The following MPP7 variants were observed in gnomAD, a reference collection of about 807,000 sequenced individuals.
MPP7 encodes MAGUK p55 subfamily member 7.
In MPP7, 60 loss-of-function variants were observed where a neutral mutation model predicts 76.5. The observed-to-expected ratio is 0.78, with a 90% CI of 0.64 to 0.97. The LOEUF (loss-of-function observed/expected upper bound fraction) is 0.97, where lower values mean the gene tolerates loss of function less well. Ranked by LOEUF, MPP7 falls within the 50% of genes least tolerant of loss-of-function variation. The probability of loss-of-function intolerance (pLI) is 0.00; values close to 1 mark genes in which losing one functional copy is unlikely to be tolerated. For missense variants in MPP7, 641 were observed against 694.0 expected, an observed-to-expected ratio of 0.92 and a Z score of 0.86; for synonymous variants, 237 against 244.5, an observed-to-expected ratio of 0.97 and a Z score of 0.29.
intron 11 of MPP7, among the ~76,000 whole-genome samples, chr10:28,100,175 TATATG>T (rs1853760874): frequency 6.6e-6 from 1 of 150,902 alleles, no homozygotes; most frequent in Non-Finnish European, 1.5e-5. Flanking sequence ...TGGAAATTAT[TATATG>T]ATATTAGGTT....
intron 1 of MPP7, among the ~76,000 whole-genome samples, chr10:28,272,952 T>C (rs11006974): frequency 0.15 from 22,698 of 152,136 alleles, 1,794 homozygotes; most frequent in South Asian, 0.19. Flanking sequence ...GAGTCTCACT[T>C]TGTCAGCCAG....
rs201218978 is a variant in MPP7, at chr10:28,089,778, T to C, written c.1016A>G (p.Glu339Gly). ...GTCGTACTGATCACTCTTCTTGCATTCATACATGGATTTATTTGTTTTCTT... is the reference window on the plus strand; with the variant it reads ...GTCGTACTGATCACTCTTCTTGCATCCATACATGGATTTATTTGTTTTCTT... ...KDKKTNKSMY[E>G]CKKSDQYDTA... Residue 339 changes from glutamate to glycine, a missense_variant, in exon 12 of 17, where the codon GAA becomes GGA. Glu to Gly is a moderately conservative substitution (Grantham distance 98). Transcript: ENST00000683449. 4.4e-6 allele frequency: 7 copies of C among 1,605,054 alleles called. No individual in the cohort carries two copies. The highest frequency in any genetic ancestry group is 6.0e-6 in the Non-Finnish European group (7 of 1,172,216).
chr10:28,116,553 C>T (rs1390260794), intron 11 of MPP7, among the ~76,000 whole-genome samples: 1 of 152,036 alleles, frequency 6.6e-6, no homozygotes, highest in African/African-American at 2.4e-5. Context: ...TTTCTCTCTG[C>T]ATTACTAATA....
intron 5 of MPP7, among the ~76,000 whole-genome samples, chr10:28,138,816 T>C (rs919771497): frequency 6.6e-6 from 1 of 152,254 alleles, no homozygotes; most frequent in Non-Finnish European, 1.5e-5. Context: ...AATTATCTTA[T>C]ATGTAGAGAC....
At chr10:28,088,441 CCT>C (rs1022518178) in intron 12 of MPP7, among the ~76,000 whole-genome samples, 7 of 152,170 alleles carry the variant, frequency 4.6e-5, no homozygotes, top group African/African-American at 1.7e-4. Flanking sequence ...TGGCACGTCC[CCT>C]GTCGCTCTCA....
intron 3 of MPP7, among the ~76,000 whole-genome samples, chr10:28,150,627 T>C (rs1460208988): frequency 6.6e-6 from 1 of 152,096 alleles, no homozygotes; most frequent in Non-Finnish European, 1.5e-5. Context: ...TTTTTTGAAA[T>C]TGCCAACTTT....
intron 2 of MPP7, among the ~76,000 whole-genome samples, chr10:28,329,016 T>G (rs1031657924): frequency 2.0e-5 from 3 of 152,210 alleles, no homozygotes; most frequent in Admixed American, 2.0e-4. Context: ...TACTGATATT[T>G]TCTGTTCATT....
intron 2 of MPP7, among the ~76,000 whole-genome samples, chr10:28,309,778 ACAGT>A (rs1841278878): frequency 6.6e-6 from 1 of 151,956 alleles, no homozygotes; most frequent in Non-Finnish European, 1.5e-5. Context: ...CATCCTTCTG[ACAGT>A]CAGTGCGTTC....
At chr10:28,186,434 ATTTAC>A (rs1837240064) in intron 3 of MPP7, among the ~76,000 whole-genome samples, 2 of 152,346 alleles carry the variant, frequency 1.3e-5, no homozygotes, top group South Asian at 4.1e-4. Context: ...TTTAAAAATA[ATTTAC>A]TTTAAATAAA....
chr10:28,310,085 T>G (rs911119682), intron 2 of MPP7, among the ~76,000 whole-genome samples: 18 of 145,782 alleles, frequency 1.2e-4, no homozygotes, highest in African/African-American at 4.1e-4. Flanking sequence ...CACTGCAACC[T>G]CTGCCTCCTG....
chr10:28,203,785 G>A (rs548631109), intron 2 of MPP7, among the ~76,000 whole-genome samples: 11 of 152,226 alleles, frequency 7.2e-5, no homozygotes, highest in African/African-American at 2.2e-4. Context: ...TTGATTTGGG[G>A]AGTTGTAAAA....
At chr10:28,207,713 AAAAG>A (rs999268143) in intron 2 of MPP7, among the ~76,000 whole-genome samples, 5 of 152,030 alleles carry the variant, frequency 3.3e-5, no homozygotes, top group Middle Eastern at 3.2e-3. Flanking sequence ...AAAAAATGAA[AAAAG>A]AAAGAAAAAG....
chr10:28,301,738 T>C (rs1313045697), intron 1 of MPP7, among the ~76,000 whole-genome samples: 6 of 152,182 alleles, frequency 3.9e-5, no homozygotes, highest in African/African-American at 1.4e-4. Flanking sequence ...TACTATATAA[T>C]TGATAGAGTG....
intron 11 of MPP7, among the ~76,000 whole-genome samples, chr10:28,100,004 A>AT (rs1184105804): frequency 6.6e-6 from 1 of 151,614 alleles, no homozygotes; most frequent in Non-Finnish European, 1.5e-5. Context: ...TGTATGAGTT[A>AT]TTTTTTGCAT....
rs746292532 is a variant in MPP7, at chr10:28,054,202, C to G, written c.1594G>C (p.Glu532Gln). The stretch of plus-strand genomic sequence containing the variant: ...TCAAAAAGATGACCATATTGACTTT[C>G]CATTATCTGTGCAGATTTAATCATT... ...QEMIKSAQIM[E>Q]SQYGHLFDKI... The change falls in exon 17 of 17, where the codon GAA becomes CAA. Residue 532 changes from glutamate to glutamine, a missense_variant. Coordinates refer to ENST00000683449, the MANE Select transcript of MPP7 (RefSeq NM_001318170.2). 6.3e-7 allele frequency: 1 copy of G among 1,597,334 alleles called. No homozygotes were observed. The highest frequency in any genetic ancestry group is 1.7e-5 in the Admixed American group (1 of 59,184).
At chr10:28,259,760 C>T (rs960057399) in intron 1 of MPP7, among the ~76,000 whole-genome samples, 12 of 152,098 alleles carry the variant, frequency 7.9e-5, no homozygotes, top group African/African-American at 2.7e-4. Flanking sequence ...GGGAGAATCG[C>T]TTGAGCCCAG....
At chr10:28,075,893 A>G (rs1037712408) in intron 12 of MPP7, among the ~76,000 whole-genome samples, 4 of 152,180 alleles carry the variant, frequency 2.6e-5, no homozygotes, top group Non-Finnish European at 5.9e-5. Flanking sequence ...GCCTTATTCA[A>G]CAACGGCTTC....
intron 2 of MPP7, chr10:28,203,363 T>C (rs1444071013): frequency 6.6e-6 from 1 of 152,156 alleles, no homozygotes; most frequent in Non-Finnish European, 1.5e-5. Flanking sequence ...ATACTAATTC[T>C]GCTTATCAGT....
intron 2 of MPP7, among the ~76,000 whole-genome samples, chr10:28,221,541 A>T (rs1213219167): frequency 6.6e-6 from 1 of 152,214 alleles, no homozygotes; most frequent in African/African-American, 2.4e-5. Context: ...TTTCAGAAAC[A>T]AGTGAAATCA....
Sources: allele counts gnomAD v4.1 joint callset (sites outside exome capture counted in the v4.1 genomes callset), GRCh38; gene constraint gnomAD v4.1.1; transcripts MANE v1.5; gene names NCBI Gene and HGNC (gene_info 2026-07-23, HGNC 2026-07-21).